CGNL1: variants seen among roughly 807,000 people sequenced by gnomAD.
The protein encoded by CGNL1 is cingulin-like protein 1.
CGNL1 carries 132 observed loss-of-function variants against 141.2 expected under a neutral mutation model. The observed-to-expected ratio is 0.93, with a 90% CI of 0.81 to 1.08. The LOEUF is 1.08. CGNL1 is among the 50% of genes least tolerant of loss of function. The pLI is 0.00. For missense variants in CGNL1, 1,870 were observed against 1,588.6 expected, an observed-to-expected ratio of 1.18 and a Z score of -3.01; for synonymous variants, 690 against 622.1, an observed-to-expected ratio of 1.11 and a Z score of -1.63.
chr15:57,490,740 GAGAA>G (rs2063848652), intron 8 of CGNL1, among the ~76,000 whole-genome samples: 5 of 152,170 alleles, frequency 3.3e-5, no homozygotes. Flanking sequence ...TGAAGTGGGG[GAGAA>G]AAGAGTCACT....
At chr15:57,435,407 G>GTTTT (rs1249529527) in intron 1 of CGNL1, among the ~76,000 whole-genome samples, 1 of 96,860 alleles carries the variant, frequency 1.0e-5, no homozygotes, top group Non-Finnish European at 2.3e-5. Flanking sequence ...AAATTTGCAG[G>GTTTT]TTTTTTTGTT....
chr15:57,434,491 A>G (rs1345662825), intron 1 of CGNL1, among the ~76,000 whole-genome samples: 1 of 152,186 alleles, frequency 6.6e-6, no homozygotes, highest in African/African-American at 2.4e-5. Context: ...TAAAGACATG[A>G]ATTTCCAAAT....
chr15:57,471,526 C>A (rs185033096), intron 8 of CGNL1, among the ~76,000 whole-genome samples: 1 of 152,162 alleles, frequency 6.6e-6, no homozygotes, highest in Non-Finnish European at 1.5e-5. Flanking sequence ...TCACAGGCAG[C>A]GTGCGGAGAA....
At chr15:57,457,158 C>T (rs2063390019) in intron 7 of CGNL1, among the ~76,000 whole-genome samples, 1 of 152,056 alleles carries the variant, frequency 6.6e-6, no homozygotes, top group Non-Finnish European at 1.5e-5. Flanking sequence ...AGATAGGGAC[C>T]CTGTGGAACT....
intron 7 of CGNL1, among the ~76,000 whole-genome samples, chr15:57,458,757 G>A (rs1595725705): frequency 6.6e-6 from 1 of 152,166 alleles, no homozygotes; most frequent in Non-Finnish European, 1.5e-5. Context: ...GCTGGGCAGC[G>A]GCAGCAGGGC....
chr15:57,420,521 T>G (rs2062902421), intron 1 of CGNL1, among the ~76,000 whole-genome samples: 2 of 152,200 alleles, frequency 1.3e-5, no homozygotes, highest in Admixed American at 1.3e-4. Flanking sequence ...CTGGCATCTA[T>G]TTACTTAATT....
chr15:57,520,316 C>T (rs1422415123), intron 10 of CGNL1, among the ~76,000 whole-genome samples: 7 of 152,216 alleles, frequency 4.6e-5, no homozygotes, highest in African/African-American at 1.7e-4. Flanking sequence ...ATGCACCTCT[C>T]GTCCTTGAAG....
chr15:57,518,088 T>A (rs780650642), intron 9 of CGNL1, among the ~76,000 whole-genome samples: 12 of 151,914 alleles, frequency 7.9e-5, no homozygotes, highest in Non-Finnish European at 2.9e-5. Context: ...GGAGGATCAC[T>A]TGAGCCCAGG....
At chr15:57,523,442 T>C (rs780367595) in intron 10 of CGNL1, 47 bp from the exon 11 acceptor site, 1 of 1,603,388 alleles carries the variant, frequency 6.2e-7, no homozygotes, top group Admixed American at 1.7e-5. Flanking sequence ...TTCCTGTGGC[T>C]ACCTGGTTAG....
At chr15:57,519,413 A>G (rs2031087127) in intron 10 of CGNL1, among the ~76,000 whole-genome samples, 1 of 152,120 alleles carries the variant, frequency 6.6e-6, no homozygotes, top group African/African-American at 2.4e-5. Flanking sequence ...GCTTTCCTGG[A>G]GGGTGTTCAG....
Position 57,458,629 on chromosome 15 carries a change from CAG to C in CGNL1, c.2191-3050_2191-3049del, listed in dbSNP as rs576638633. On this transcript the variant is annotated intron_variant, in intron 7 of 18. Transcript: ENST00000281282. ...AACGTGTGAGAGTAAAAGCAGGAAA[CAG>C]GGGTCAGAATCACAGGGCCTGCACT... 1.8e-3 allele frequency among the ~76,000 whole-genome samples: 281 copies of C among 152,222 alleles called. 1 individual carries two copies. The highest frequency in any genetic ancestry group is 3.3e-3 in the Admixed American group (50 of 15,296).
chr15:57,436,178 C>G (rs1219573420), intron 1 of CGNL1, among the ~76,000 whole-genome samples: 1 of 152,144 alleles, frequency 6.6e-6, no homozygotes, highest in African/African-American at 2.4e-5. Context: ...TCTCCTCTCT[C>G]TTTTTACTAA....
chr15:57,545,998 G>T, intron 17 of CGNL1, 78 bp from the exon 18 acceptor site: 2 of 1,504,316 alleles, frequency 1.3e-6, no homozygotes, highest in East Asian at 2.3e-5. Context: ...TGGGGAGATG[G>T]TGGCTGGACC....
intron 10 of CGNL1, among the ~76,000 whole-genome samples, chr15:57,521,914 G>T (rs536215393): frequency 1.3e-5 from 2 of 152,270 alleles, no homozygotes; most frequent in African/African-American, 4.8e-5. Flanking sequence ...GGGGCCCTCT[G>T]TATTTGTTGT....
chr15:57,443,142 A>G (rs2063210846), intron 4 of CGNL1, among the ~76,000 whole-genome samples: 1 of 152,212 alleles, frequency 6.6e-6, no homozygotes, highest in Non-Finnish European at 1.5e-5. Context: ...GGTGACACTG[A>G]TCAGCTGTGG....
At chr15:57,443,948 T>C (rs2063221595) in intron 4 of CGNL1, among the ~76,000 whole-genome samples, 1 of 152,202 alleles carries the variant, frequency 6.6e-6, no homozygotes, top group Non-Finnish European at 1.5e-5. Context: ...TTTTATATTG[T>C]TTTATTGGGG....
chr15:57,473,899 CT>C (rs59761174), intron 8 of CGNL1, among the ~76,000 whole-genome samples: 213 of 70,652 alleles, frequency 3.0e-3, no homozygotes, highest in Middle Eastern at 0.017. Flanking sequence ...TCTTCTTCTT[CT>C]TTTTTTTTTT....
intron 8 of CGNL1, among the ~76,000 whole-genome samples, chr15:57,514,551 T>C (rs1401679399): frequency 6.6e-6 from 1 of 152,202 alleles, no homozygotes; most frequent in Admixed American, 6.6e-5. Context: ...TTCATTCTGG[T>C]CGTTGTCTTT....
At chr15:57,503,092 A>C (rs552652917) in intron 8 of CGNL1, among the ~76,000 whole-genome samples, 1 of 152,302 alleles carries the variant, frequency 6.6e-6, no homozygotes, top group East Asian at 1.9e-4. Context: ...CACATGGCAG[A>C]TTTTCCTAGA....
Sources: allele counts gnomAD v4.1 joint callset (sites outside exome capture counted in the v4.1 genomes callset), GRCh38; gene constraint gnomAD v4.1.1; transcripts MANE v1.5; gene names NCBI Gene and HGNC (gene_info 2026-07-23, HGNC 2026-07-21).